The following RSRC1 variants were observed in gnomAD, a reference collection of about 807,000 sequenced individuals.
The protein encoded by RSRC1 is serine/Arginine-related protein 53.
In RSRC1, 39 loss-of-function variants were observed where a neutral mutation model predicts 49.1. That is an observed-to-expected ratio of 0.79 (90% CI 0.61 to 1.04). The LOEUF is 1.04. RSRC1 is among the 50% of genes least tolerant of loss of function. The pLI, the probability that RSRC1 is intolerant of heterozygous loss-of-function variation, is 0.00. For synonymous variants in RSRC1, 143 were observed against 130.8 expected (o/e 1.09, Z -0.63); for missense variants, 388 against 402.4 (o/e 0.96, Z 0.31).
intron 4 of RSRC1, among the ~76,000 whole-genome samples, chr3:158,211,819 GGT>G (rs1721694880): frequency 2.3e-5 from 2 of 85,612 alleles, no homozygotes; most frequent in Non-Finnish European, 5.0e-5. Flanking sequence ...CTCAATAAAT[GGT>G]CATCATTTTA....
At chr3:158,127,667 C>T (rs201405865) in intron 3 of RSRC1, among the ~76,000 whole-genome samples, 1 of 150,448 alleles carries the variant, frequency 6.6e-6, no homozygotes, top group East Asian at 1.9e-4. Context: ...AGGTAATTTA[C>T]AGATCTCAGT....
At chr3:158,310,932 C>A (rs1728087733) in intron 5 of RSRC1, among the ~76,000 whole-genome samples, 1 of 151,692 alleles carries the variant, frequency 6.6e-6, no homozygotes, top group Admixed American at 6.6e-5. Flanking sequence ...ACTCAATCAC[C>A]TTTGTTACAA....
chr3:158,403,635 T>C (rs1167388450), intron 6 of RSRC1, among the ~76,000 whole-genome samples: 1 of 151,792 alleles, frequency 6.6e-6, no homozygotes, highest in African/African-American at 2.4e-5. Flanking sequence ...GCTTTTCAGA[T>C]TGACACCTTT....
At chr3:158,314,409 T>A (rs940127702) in intron 5 of RSRC1, among the ~76,000 whole-genome samples, 16 of 151,806 alleles carry the variant, frequency 1.1e-4, no homozygotes, top group African/African-American at 3.6e-4. Flanking sequence ...AAATTCTTTT[T>A]TTTTTTTTTA....
chr3:158,379,701 C>T (rs571689508), intron 6 of RSRC1, among the ~76,000 whole-genome samples: 1 of 152,040 alleles, frequency 6.6e-6, no homozygotes, highest in African/African-American at 2.4e-5. Context: ...GACACGCTTC[C>T]CCAAATAGCT....
At chr3:158,528,965 G>A (rs1260910540) in intron 7 of RSRC1, among the ~76,000 whole-genome samples, 1 of 151,746 alleles carries the variant, frequency 6.6e-6, no homozygotes, top group East Asian at 1.9e-4. Flanking sequence ...TAAATAAAGA[G>A]CAGCTTAAAG....
At chr3:158,269,299 C>T (rs915130643) in intron 4 of RSRC1, among the ~76,000 whole-genome samples, 3 of 152,000 alleles carry the variant, frequency 2.0e-5, no homozygotes, top group East Asian at 1.9e-4. Context: ...TTATTTCATT[C>T]GTTTACTTCA....
At chr3:158,312,378 G>A (rs1252255700) in intron 5 of RSRC1, among the ~76,000 whole-genome samples, 4 of 152,144 alleles carry the variant, frequency 2.6e-5, no homozygotes, top group Non-Finnish European at 5.9e-5. Flanking sequence ...AATATTTGTT[G>A]AGTGTCAGTT....
chr3:158,255,620 A>G (rs1724500213), intron 4 of RSRC1, among the ~76,000 whole-genome samples: 1 of 152,144 alleles, frequency 6.6e-6, no homozygotes, highest in South Asian at 2.1e-4. Context: ...TGGTAGCTTG[A>G]TGGGGATGGC....
chr3:158,283,937 A>G (rs1236056574), intron 4 of RSRC1, among the ~76,000 whole-genome samples: 5 of 151,416 alleles, frequency 3.3e-5, no homozygotes, highest in African/African-American at 9.7e-5. Flanking sequence ...CATGTGCACA[A>G]TGTGCAGGTT....
intron 5 of RSRC1, among the ~76,000 whole-genome samples, chr3:158,329,475 C>T (rs1234034403): frequency 6.6e-6 from 1 of 152,202 alleles, no homozygotes; most frequent in Non-Finnish European, 1.5e-5. Context: ...CTCAGCTGCA[C>T]GTCTGTTGGC....
rs76896418 is a variant in RSRC1 at position 158,392,668 on chromosome 3, G to A, written c.583+37760G>A. 2.8e-3 allele frequency among the ~76,000 whole-genome samples: 428 copies of A among 151,502 alleles called. 20 individuals carry two copies. The East Asian group carries it at 0.064, about 23-fold the overall frequency. ...TATGCACCAAACACAGGAGGACCCA[G>A]ATTCATAAAACAAGTTTTTAGAGAT... On this transcript the variant is annotated intron_variant, in intron 6 of 9. Coordinates refer to ENST00000611884, the MANE Select transcript of RSRC1 (RefSeq NM_001271838.2).
intron 6 of RSRC1, among the ~76,000 whole-genome samples, chr3:158,397,506 T>C (rs1293070728): frequency 6.6e-6 from 1 of 152,128 alleles, no homozygotes; most frequent in Non-Finnish European, 1.5e-5. Flanking sequence ...CCCACCAAAA[T>C]TTAAATGACC....
At chr3:158,365,464 C>A (rs1410087078) in intron 6 of RSRC1, among the ~76,000 whole-genome samples, 1 of 152,134 alleles carries the variant, frequency 6.6e-6, no homozygotes. Flanking sequence ...CATGTCCCTG[C>A]AAAGGACATG....
intron 5 of RSRC1, among the ~76,000 whole-genome samples, chr3:158,323,123 C>T (rs1280571571): frequency 1.3e-5 from 2 of 151,932 alleles, no homozygotes; most frequent in Non-Finnish European, 2.9e-5. Flanking sequence ...TATTGTGACT[C>T]TGGGCTTAAT....
intron 7 of RSRC1, among the ~76,000 whole-genome samples, chr3:158,511,289 A>C (rs1269736394): frequency 2.0e-5 from 3 of 151,432 alleles, no homozygotes; most frequent in African/African-American, 7.3e-5. Flanking sequence ...CCAGAGTGTG[A>C]TGTTCCCCTT....
intron 6 of RSRC1, among the ~76,000 whole-genome samples, chr3:158,445,774 C>G (rs1160627442): frequency 2.6e-5 from 4 of 151,980 alleles, no homozygotes; most frequent in Admixed American, 6.6e-5. Flanking sequence ...TATTAATAGA[C>G]TATATTCTTT....
At chr3:158,533,845 A>G (rs532188838) in intron 7 of RSRC1, among the ~76,000 whole-genome samples, 5 of 151,800 alleles carry the variant, frequency 3.3e-5, no homozygotes, top group African/African-American at 1.2e-4. Context: ...ACATTATTAT[A>G]TATGTAATTA....
chr3:158,449,445 A>G (rs1480405113), intron 6 of RSRC1, among the ~76,000 whole-genome samples: 1 of 151,948 alleles, frequency 6.6e-6, no homozygotes, highest in Non-Finnish European at 1.5e-5. Context: ...TCTTTACTGC[A>G]GAATGTCTGA....
Sources: gnomAD v4.1 joint callset for allele counts (sites outside exome capture counted in the v4.1 genomes callset) on GRCh38, gnomAD v4.1.1 for gene constraint, MANE v1.5 for transcripts, NCBI Gene and HGNC (gene_info 2026-07-23, HGNC 2026-07-21) for gene names.